Variants in ARMC8 observed in about 807,000 individuals in gnomAD.
The protein encoded by ARMC8 is armadillo repeat containing 8.
Under a neutral mutation model 99.3 loss-of-function variants are expected in ARMC8, and 20 were observed. That is an observed-to-expected ratio of 0.20 (90% confidence interval 0.14 to 0.29). ARMC8 has a LOEUF of 0.29. Ranked by LOEUF, ARMC8 falls within the 10% of genes least tolerant of loss-of-function variation. The pLI is 1.00. For synonymous variants in ARMC8, 263 were observed against 278.3 expected, an observed-to-expected ratio of 0.95 and a Z score of 0.55; for missense variants, 569 against 809.5, an observed-to-expected ratio of 0.70 and a Z score of 3.60.
rs118156009 is a variant in ARMC8, at chr3:138,214,471, C to T, written c.122+4578C>T. Among the ~76,000 whole-genome samples, 63 of 151,864 alleles carry T rather than the reference C, an allele frequency of 4.1e-4. 1 individual carries two copies. The East Asian group carries it at 0.011, about 27-fold the overall frequency. ...CTCTTAGCTCCAGGAAATTTTGTAT[C>T]TCTGGTTTCAGTAGAATGTAGACAG... On this transcript the variant is annotated intron_variant, in intron 2 of 21. Transcript: ENST00000469044.
rs565391620 is a variant in ARMC8, at chr3:138,259,382, G to A, written c.1135-4357G>A. Among the ~76,000 whole-genome samples the A allele has an allele frequency of 2.0e-5, 3 of 152,256 alleles. No homozygotes were observed. The South Asian group carries it at 6.2e-4, about 32-fold the overall frequency. On this transcript the variant is annotated intron_variant, in intron 12 of 21. Transcript: ENST00000469044. Reference sequence around the variant, plus strand: ...CATTTTTGTCAGTGTATTCACTATAGTGCCCTTTGTATCCATACACAGACG... The same window carrying A: ...CATTTTTGTCAGTGTATTCACTATAATGCCCTTTGTATCCATACACAGACG...
At chr3:138,259,251 A>G (rs1372711812) in intron 12 of ARMC8, among the ~76,000 whole-genome samples, 1 of 152,212 alleles carries the variant, frequency 6.6e-6, no homozygotes, top group Non-Finnish European at 1.5e-5. Context: ...TATGGGTCAG[A>G]GGGCTGTGGC....
At chr3:138,209,063 T>C (rs1372661526) in intron 1 of ARMC8, among the ~76,000 whole-genome samples, 1 of 152,370 alleles carries the variant, frequency 6.6e-6, no homozygotes, top group East Asian at 1.9e-4. Flanking sequence ...GTCTAAGGAT[T>C]TCCTCTTGTA....
intron 10 of ARMC8, among the ~76,000 whole-genome samples, chr3:138,241,376 T>A (rs1401723152): frequency 6.6e-6 from 1 of 152,216 alleles, no homozygotes; most frequent in Non-Finnish European, 1.5e-5. Context: ...TAGCATACTT[T>A]TCCTAAGGCA....
chr3:138,241,836 A>T lies in ARMC8; in HGVS notation c.891A>T (p.Arg297Ser). 6.2e-7 allele frequency: 1 copy of T among 1,613,990 alleles called. No individual in the cohort carries two copies. Among genetic ancestry groups the T allele is most frequent in the Non-Finnish European group, 8.5e-7 (1 of 1,179,978 alleles). Residue 297 changes from arginine (R) to serine (S), a missense_variant, in exon 11 of 22, where the codon AGA (arginine) becomes AGT (serine). By Grantham distance (110) the Arg-to-Ser change is moderately radical. Around this residue, in one of 2 missense-constraint regions of ARMC8, gnomAD observed 342 missense variants for 391.6 expected, o/e 0.87. Coordinates refer to ENST00000469044, the MANE Select transcript of ARMC8 (RefSeq NM_001363941.2). ...MCSKERLLEERVEGAETLAYL... is the reference protein window; with the variant it reads ...MCSKERLLEESVEGAETLAYL... ...GTAAGGAGAGATTACTAGAGGAGAG[A>T]GTTGAAGGAGCTGAGACACTTGCCT...
At chr3:138,188,918 C>G (rs1373295927) in intron 1 of ARMC8, among the ~76,000 whole-genome samples, 1 of 151,982 alleles carries the variant, frequency 6.6e-6, no homozygotes, top group Non-Finnish European at 1.5e-5. Context: ...TACTGTTTAC[C>G]TAAGTATTAG....
chr3:138,200,719 A>G (rs1576591792), intron 1 of ARMC8, among the ~76,000 whole-genome samples: 1 of 151,550 alleles, frequency 6.6e-6, no homozygotes, highest in African/African-American at 2.4e-5. Flanking sequence ...CCCTTTTCTC[A>G]CCTCCACTTC....
chr3:138,267,636 A>T (rs2048393272), intron 15 of ARMC8, among the ~76,000 whole-genome samples: 1 of 152,204 alleles, frequency 6.6e-6, no homozygotes, highest in African/African-American at 2.4e-5. Context: ...AACTGCTGTC[A>T]TTGGAAAATC....
chr3:138,229,072 C>A (rs900819057), intron 6 of ARMC8, 62 bp downstream of exon 6: 2 of 1,222,828 alleles, frequency 1.6e-6, no homozygotes, highest in Admixed American at 2.0e-5. Context: ...AAGAGATGTA[C>A]CTTCTTTGTG....
At chr3:138,288,797 C>T (rs896718695) in intron 19 of ARMC8, among the ~76,000 whole-genome samples, 1 of 152,050 alleles carries the variant, frequency 6.6e-6, no homozygotes, top group African/African-American at 2.4e-5. Flanking sequence ...GCCACTACAC[C>T]CGGCAAATTT....
At chr3:138,204,148 T>C (rs1359705891) in intron 1 of ARMC8, among the ~76,000 whole-genome samples, 1 of 152,202 alleles carries the variant, frequency 6.6e-6, no homozygotes, top group Non-Finnish European at 1.5e-5. Context: ...GGCTTGGATC[T>C]TGTGGAGTGA....
chr3:138,290,522 A>C (rs1577054197), intron 20 of ARMC8, 24 bp from the exon 21 acceptor site: 3 of 1,554,400 alleles, frequency 1.9e-6, no homozygotes, highest in Non-Finnish European at 2.6e-6. Flanking sequence ...TCATGTTCCC[A>C]GTAACCTGGC....
At chr3:138,214,524 T>TAGGG (rs1329189071) in intron 2 of ARMC8, among the ~76,000 whole-genome samples, 1 of 152,222 alleles carries the variant, frequency 6.6e-6, no homozygotes, top group Non-Finnish European at 1.5e-5. Flanking sequence ...GAGCTAAAGA[T>TAGGG]AAAGAGTTCC....
intron 12 of ARMC8, chr3:138,261,829 T>C (rs1453831498): frequency 6.6e-6 from 1 of 152,222 alleles, no homozygotes; most frequent in Admixed American, 6.5e-5. Flanking sequence ...AGCAAAAGCA[T>C]GGAGACCTTT....
chr3:138,255,371 T>G (rs1203940930), intron 12 of ARMC8, among the ~76,000 whole-genome samples: 3 of 151,910 alleles, frequency 2.0e-5, no homozygotes, highest in African/African-American at 2.4e-5. Flanking sequence ...CCCGGCTAAT[T>G]TTTTGTATTT....
chr3:138,282,055 G>A (rs752012214), intron 18 of ARMC8, among the ~76,000 whole-genome samples: 2 of 152,146 alleles, frequency 1.3e-5, no homozygotes, highest in Non-Finnish European at 2.9e-5. Flanking sequence ...TGCTGCCCCC[G>A]CTCCTACTTC....
At chr3:138,201,477 T>TTTTTTC (rs1456840327) in intron 1 of ARMC8, among the ~76,000 whole-genome samples, 1 of 101,946 alleles carries the variant, frequency 9.8e-6, no homozygotes, top group African/African-American at 4.0e-5. Context: ...TTTTTTTTTT[T>TTTTTTC]CCTGAGACAG....
At chr3:138,248,680 C>G (rs904486608) in intron 12 of ARMC8, among the ~76,000 whole-genome samples, 1 of 152,254 alleles carries the variant, frequency 6.6e-6, no homozygotes, top group Admixed American at 6.5e-5. Context: ...TTGATTAGGA[C>G]CTGTCGATCA....
At chr3:138,272,925 T>G (rs1193656477) in intron 16 of ARMC8, 42 bp from the exon 17 acceptor site, 51 of 1,399,704 alleles carry the variant, frequency 3.6e-5, no homozygotes, top group Non-Finnish European at 4.8e-5. Context: ...TTTAATAAAG[T>G]AAATGTAGAC....
Sources: gnomAD v4.1 joint callset for allele counts (sites outside exome capture counted in the v4.1 genomes callset) on GRCh38, gnomAD v4.1.1 for gene constraint, gnomAD v4.1.1 regional missense constraint, MANE v1.5 for transcripts, NCBI Gene and HGNC (gene_info 2026-07-23, HGNC 2026-07-21) for gene names.